The following NEK10 variants were observed in gnomAD, a reference collection of about 807,000 sequenced individuals.
NEK10 encodes the protein serine/threonine-protein kinase Nek10.
A neutral mutation model predicts 159.8 loss-of-function variants in NEK10; 122 were observed. The observed-to-expected ratio is 0.76, with a 90% confidence interval of 0.66 to 0.89. The LOEUF is 0.89. Ranked by LOEUF, NEK10 falls within the 40% of genes least tolerant of loss-of-function variation. The probability of loss-of-function intolerance (pLI) is 0.00; values close to 1 mark genes in which losing one functional copy is unlikely to be tolerated. For missense variants in NEK10, 1,342 were observed against 1,323.1 expected, an observed-to-expected ratio of 1.01 and a Z score of -0.22; for synonymous variants, 466 against 457.1, an observed-to-expected ratio of 1.02 and a Z score of -0.25.
intron 13 of NEK10, among the ~76,000 whole-genome samples, chr3:27,299,825 AG>A (rs2043661874): frequency 6.6e-6 from 1 of 152,174 alleles, no homozygotes; most frequent in African/African-American, 2.4e-5. Context: ...TGGGGCCTGT[AG>A]CCCCCCTTTG....
intron 23 of NEK10, among the ~76,000 whole-genome samples, chr3:27,208,863 G>A (rs1042874262): frequency 5.3e-5 from 8 of 152,152 alleles, no homozygotes; most frequent in East Asian, 1.9e-4. Context: ...CTGGCATCAC[G>A]GAAATGTTCT....
At chr3:27,334,424 C>G (rs1426226864) in intron 5 of NEK10, among the ~76,000 whole-genome samples, 1 of 152,146 alleles carries the variant, frequency 6.6e-6, no homozygotes, top group African/African-American at 2.4e-5. Context: ...CACTTGGAGG[C>G]CCAAGAATAG....
At chr3:27,316,084 A>T (rs1407256996) in intron 6 of NEK10, among the ~76,000 whole-genome samples, 1 of 152,216 alleles carries the variant, frequency 6.6e-6, no homozygotes, top group African/African-American at 2.4e-5. Context: ...ATTAGGGTGG[A>T]TTCACACTGT....
intron 22 of NEK10, among the ~76,000 whole-genome samples, chr3:27,261,690 G>A (rs1575495614): frequency 1.3e-5 from 2 of 152,332 alleles, no homozygotes; most frequent in East Asian, 3.9e-4. Context: ...TGAAAAGAAT[G>A]GATATTCTGT....
At chr3:27,267,930 A>G (rs1239211764) in intron 22 of NEK10, among the ~76,000 whole-genome samples, 1 of 152,234 alleles carries the variant, frequency 6.6e-6, no homozygotes, top group African/African-American at 2.4e-5. Context: ...TCTGGAAGGA[A>G]ATTAAAAGTG....
At chr3:27,346,688 G>A (rs542415597) in intron 3 of NEK10, among the ~76,000 whole-genome samples, 168 of 152,248 alleles carry the variant, frequency 1.1e-3, no homozygotes, top group Non-Finnish European at 1.6e-3. Flanking sequence ...TGCCCAAATT[G>A]AGAATGAGTC....
At chr3:27,293,146 C>T (rs1274755110) in intron 16 of NEK10, among the ~76,000 whole-genome samples, 1 of 152,132 alleles carries the variant, frequency 6.6e-6, no homozygotes, top group Non-Finnish European at 1.5e-5. Flanking sequence ...TGAGCTCCTA[C>T]ACCATCAAAG....
At chr3:27,243,574 A>C (rs1252956288) in intron 23 of NEK10, among the ~76,000 whole-genome samples, 1 of 152,056 alleles carries the variant, frequency 6.6e-6, no homozygotes, top group Admixed American at 6.6e-5. Context: ...CCTTCTATAC[A>C]TATACTGTCA....
At chr3:27,136,232 C>A (rs1202592537) in intron 31 of NEK10, among the ~76,000 whole-genome samples, 2 of 151,326 alleles carry the variant, frequency 1.3e-5, no homozygotes, top group Non-Finnish European at 2.9e-5. Flanking sequence ...CCTGCCTCAG[C>A]CTCCCGAGTA....
At chr3:27,264,598 T>C (rs1354014230) in intron 22 of NEK10, among the ~76,000 whole-genome samples, 1 of 151,988 alleles carries the variant, frequency 6.6e-6, no homozygotes, top group Non-Finnish European at 1.5e-5. Context: ...AATTTTCAAA[T>C]AAAAATTAAT....
intron 32 of NEK10, among the ~76,000 whole-genome samples, chr3:27,126,715 C>T (rs1224207984): frequency 6.6e-6 from 1 of 152,058 alleles, no homozygotes; most frequent in Non-Finnish European, 1.5e-5. Context: ...TCCTACCAGG[C>T]CACTGATTCT....
At chr3:27,243,038 T>C (rs112657575) in intron 23 of NEK10, among the ~76,000 whole-genome samples, 1 of 152,178 alleles carries the variant, frequency 6.6e-6, no homozygotes, top group African/African-American at 2.4e-5. Context: ...TGTTTTAAAA[T>C]GTTTTAAAGG....
In NEK10 at chr3:27,168,469, C is replaced by A. The variant is rs191383567; in HGVS notation, c.2831+3350G>T. Among the ~76,000 whole-genome samples the A allele has an allele frequency of 9.2e-5, 14 of 152,244 alleles. No individual in the cohort carries two copies. The East Asian group carries it at 2.7e-3, about 29-fold the overall frequency. On this transcript the variant is annotated intron_variant, in intron 29 of 35. Coordinates refer to ENST00000691995, the MANE Select transcript of NEK10 (RefSeq NM_001394966.1). ...TGCAAATAACTTTAGCTCTATTTAA[C>A]GTTCTTTAAAGAATTATAAATACAT...
rs139333625 is a variant in NEK10, at chr3:27,183,679, T to C, written c.2505+8350A>G. 2.8e-4 allele frequency among the ~76,000 whole-genome samples: 42 copies of C among 152,186 alleles called. No homozygotes were observed. In the East Asian group the frequency reaches 7.9e-3, roughly 29 times the overall value. ...CTATACAAAATGTTTGCAATACATA[T>C]GTTTGACAATAGGCTCATTATCTGG... On this transcript the variant is annotated intron_variant, in intron 26 of 35. Transcript: ENST00000691995.
At chr3:27,247,289 G>A (rs1955170236) in intron 23 of NEK10, among the ~76,000 whole-genome samples, 1 of 151,978 alleles carries the variant, frequency 6.6e-6, no homozygotes, top group Non-Finnish European at 1.5e-5. Context: ...TTATGTTGAG[G>A]TATGTTCTTT....
At chr3:27,113,931 C>T (rs1939993267) in intron 35 of NEK10, among the ~76,000 whole-genome samples, 1 of 152,080 alleles carries the variant, frequency 6.6e-6, no homozygotes, top group Admixed American at 6.5e-5. Flanking sequence ...TGAGAAAATG[C>T]AGATAAAATG....
intron 3 of NEK10, among the ~76,000 whole-genome samples, chr3:27,346,824 TA>T (rs1261264955): frequency 6.6e-6 from 1 of 152,234 alleles, no homozygotes; most frequent in Non-Finnish European, 1.5e-5. Context: ...TACTCAATCA[TA>T]TTTATAAAAG....
chr3:27,162,407 A>T, intron 30 of NEK10: 1 of 1,594,850 alleles, frequency 6.3e-7, no homozygotes, highest in Non-Finnish European at 8.6e-7. Flanking sequence ...CCCAACTATA[A>T]TTCTGCATTT....
At chr3:27,202,286 A>C (rs1950123352) in intron 24 of NEK10, 142 bp downstream of exon 24, 1 of 618,580 alleles carries the variant, frequency 1.6e-6, no homozygotes, top group Non-Finnish European at 2.5e-6. Context: ...AAAGCGGAAA[A>C]AATAAACTGG....
Sources: gnomAD v4.1 joint callset for allele counts (sites outside exome capture counted in the v4.1 genomes callset) on GRCh38, gnomAD v4.1.1 for gene constraint, MANE v1.5 for transcripts, NCBI Gene and HGNC (gene_info 2026-07-23, HGNC 2026-07-21) for gene names.